LRFN5: variants seen among roughly 807,000 people sequenced by gnomAD.
LRFN5 encodes the protein leucine rich repeat and fibronectin type III domain containing 5.
Under a neutral mutation model 45.6 loss-of-function variants are expected in LRFN5, and 24 were observed. That is an observed-to-expected ratio of 0.53 (90% CI 0.38 to 0.74). LRFN5 has a LOEUF of 0.74. Ranked by LOEUF, LRFN5 falls within the 30% of genes least tolerant of loss-of-function variation. LRFN5 has a pLI of 0.00. For missense variants in LRFN5, 776 were observed against 861.5 expected (o/e 0.90, Z 1.24); for synonymous variants, 340 against 313.8 (o/e 1.08, Z -0.88).
chr14:41,887,982 G>A lies in LRFN5; in HGVS notation c.1357G>A (p.Gly453Ser), dbSNP rs1352185903. Residue 453 changes from glycine (G) to serine (S), a missense_variant, in exon 3 of 6, where the codon GGT becomes AGT. Gly to Ser is a moderately conservative substitution (Grantham distance 56, BLOSUM62 0). Transcript: ENST00000298119. This position sits in a 1 kb window ranked among gnomAD's most constrained non-coding sequence, Gnocchi z 4.8. ...GIRMFQIQYNGTYDDTLVYRM... is the reference protein window; with the variant it reads ...GIRMFQIQYNSTYDDTLVYRM... ...ACGTATGTTTCAAATCCAGTACAAT[G>A]GTACTTATGATGACACCCTTGTTTA... is the stretch of plus-strand genomic sequence containing the variant. 3.1e-6 allele frequency: 5 copies of A among 1,607,652 alleles called. No homozygotes were observed. Among genetic ancestry groups the A allele is most frequent in the Non-Finnish European group, 4.2e-6 (5 of 1,176,860 alleles).
chr14:41,695,576 C>T (rs1023818958), intron 1 of LRFN5, among the ~76,000 whole-genome samples: 2 of 151,972 alleles, frequency 1.3e-5, no homozygotes, highest in African/African-American at 2.4e-5. Context: ...AGCTATCATT[C>T]TGCAAATCCT....
intron 1 of LRFN5, among the ~76,000 whole-genome samples, chr14:41,727,490 GTGGCACACTTGTGTAGTTCT>G (rs1883988176): frequency 6.6e-6 from 1 of 152,012 alleles, no homozygotes; most frequent in African/African-American, 2.4e-5. Context: ...GCCAGTCATG[GTGGCACACTTGTGTAGTTCT>G]AGCTACTCAG....
At chr14:41,623,297 T>C (rs1888201292) in intron 1 of LRFN5, among the ~76,000 whole-genome samples, 1 of 152,148 alleles carries the variant, frequency 6.6e-6, no homozygotes, top group Admixed American at 6.6e-5. Flanking sequence ...ACCTGCCACC[T>C]TGTGAAGCGG....
chr14:41,770,661 C>G (rs1173235621), intron 2 of LRFN5, among the ~76,000 whole-genome samples: 6 of 152,192 alleles, frequency 3.9e-5, no homozygotes, highest in Non-Finnish European at 2.9e-5. Context: ...ACTTGGGTAG[C>G]CCTGTGCCTG....
chr14:41,891,706 A>G lies in LRFN5; in HGVS notation c.1842A>G (p.Ser614=). 6.2e-7 allele frequency: 1 copy of G among 1,614,208 alleles called. No individual in the cohort carries two copies. ...CCAGTGACAATGTGATTCAATCTTC[A>G]GAAACTTGTTCGAGTCAGGACTCCT... ...KATSDNVIQS[S]ETCSSQDSST... is the part of the protein sequence containing the mutation. The change falls in exon 4 of 6, where the codon TCA becomes TCG. Residue 614 remains serine (S), a synonymous_variant. Transcript: ENST00000298119.
chr14:41,671,184 A>C (rs967930002), intron 1 of LRFN5, among the ~76,000 whole-genome samples: 1 of 152,144 alleles, frequency 6.6e-6, no homozygotes. Flanking sequence ...AGAAATTAAT[A>C]TTATCAAGGC....
Position 41,891,962 on chromosome 14 carries a change from AG to A in LRFN5, c.2098+1del. The A allele has an allele frequency of 6.2e-7, 1 of 1,610,712 alleles. No homozygotes were observed. Among genetic ancestry groups the A allele is most frequent in the Non-Finnish European group, 8.5e-7 (1 of 1,179,234 alleles). ...GTCTAAAAGAGCACATATAAAGCCA[AG>A]TAAGTTTATCACTTTGCCTGCTGAG... On this transcript the variant is annotated splice_donor_variant, in intron 4 of 5. Transcript: ENST00000298119. LOFTEE classifies it high-confidence loss of function.
chr14:41,896,175 A>G (rs1309921753), intron 4 of LRFN5, among the ~76,000 whole-genome samples: 5 of 152,196 alleles, frequency 3.3e-5, no homozygotes, highest in African/African-American at 1.2e-4. Context: ...TTAAAATTCC[A>G]ATAGTTTAAA....
At chr14:41,830,999 G>A (rs1481963372) in intron 2 of LRFN5, among the ~76,000 whole-genome samples, 5 of 152,034 alleles carry the variant, frequency 3.3e-5, no homozygotes, top group African/African-American at 1.2e-4. Context: ...AGAAATTCTG[G>A]GAAACATTGC....
chr14:41,855,926 A>G (rs1889436522), intron 2 of LRFN5, among the ~76,000 whole-genome samples: 1 of 152,206 alleles, frequency 6.6e-6, no homozygotes, highest in Non-Finnish European at 1.5e-5. Context: ...GACCTTTTAA[A>G]TACAACTTAG....
At chr14:41,865,299 A>T (rs547542059) in intron 2 of LRFN5, among the ~76,000 whole-genome samples, 1 of 152,306 alleles carries the variant, frequency 6.6e-6, no homozygotes, top group East Asian at 1.9e-4. Context: ...GATTTTGGAT[A>T]TCACATATAA....
intron 1 of LRFN5, among the ~76,000 whole-genome samples, chr14:41,744,199 A>G (rs565739309): frequency 1.5e-4 from 23 of 152,160 alleles, no homozygotes; most frequent in African/African-American, 5.5e-4. Flanking sequence ...TAGAAAAAAT[A>G]CAAAATTTAA....
intron 2 of LRFN5, among the ~76,000 whole-genome samples, chr14:41,840,679 C>T (rs1050263380): frequency 4.6e-5 from 7 of 151,866 alleles, no homozygotes; most frequent in Non-Finnish European, 8.8e-5. Flanking sequence ...TGTAACCTTG[C>T]CATTATATTA....
intron 3 of LRFN5, among the ~76,000 whole-genome samples, chr14:41,890,177 A>C (rs1025343066): frequency 3.3e-5 from 5 of 152,068 alleles, no homozygotes; most frequent in Admixed American, 3.3e-4. Context: ...CACTGGAATT[A>C]GGTGATATTA....
intron 2 of LRFN5, among the ~76,000 whole-genome samples, chr14:41,824,934 A>G (rs964347800): frequency 6.6e-6 from 1 of 152,154 alleles, no homozygotes; most frequent in Non-Finnish European, 1.5e-5. Flanking sequence ...TCCCTATCAT[A>G]TCCCTGTCCT....
At chr14:41,863,601 T>C (rs12878021) in intron 2 of LRFN5, among the ~76,000 whole-genome samples, 106,503 of 152,130 alleles carry the variant, frequency 0.7, 38,338 homozygotes, top group East Asian at 0.97. Context: ...TATGAATTTC[T>C]AGTTTAATTG....
chr14:41,675,286 A>G (rs1046646833), intron 1 of LRFN5, among the ~76,000 whole-genome samples: 6 of 152,234 alleles, frequency 3.9e-5, no homozygotes, highest in African/African-American at 1.4e-4. Context: ...AGCCGAGATC[A>G]CGCCACTGTG....
chr14:41,841,101 A>G (rs1443807225), intron 2 of LRFN5, among the ~76,000 whole-genome samples: 1 of 151,896 alleles, frequency 6.6e-6, no homozygotes, highest in Non-Finnish European at 1.5e-5. Flanking sequence ...CTTTTCTTCT[A>G]CAATAGCAAT....
At chr14:41,743,794 A>G (rs61992396) in intron 1 of LRFN5, among the ~76,000 whole-genome samples, 25,224 of 152,160 alleles carry the variant, frequency 0.17, 2,192 homozygotes, top group Admixed American at 0.19. Context: ...TTACCTCATC[A>G]ATAAGTACAA....
Sources: gnomAD v4.1 joint callset for allele counts (sites outside exome capture counted in the v4.1 genomes callset) on GRCh38, gnomAD v4.1.1 for gene constraint, Gnocchi (gnomAD v3.1) non-coding constraint, MANE v1.5 for transcripts, NCBI Gene and HGNC (gene_info 2026-07-23, HGNC 2026-07-21) for gene names.